The following MARCHF1 variants were observed in gnomAD, a reference collection of about 807,000 sequenced individuals.
MARCHF1 encodes the protein E3 ubiquitin-protein ligase MARCHF1.
In MARCHF1, 40 loss-of-function variants were observed where a neutral mutation model predicts 54.2. The observed-to-expected ratio is 0.74, with a 90% CI of 0.57 to 0.96. The LOEUF (loss-of-function observed/expected upper bound fraction) is 0.96. Ranked by LOEUF, MARCHF1 falls within the 40% of genes least tolerant of loss-of-function variation. The pLI is 0.00. For synonymous variants in MARCHF1, 236 were observed against 236.3 expected, an observed-to-expected ratio of 1.00 and a Z score of 0.01; for missense variants, 586 against 656.5, an observed-to-expected ratio of 0.89 and a Z score of 1.17.
intron 5 of MARCHF1, among the ~76,000 whole-genome samples, chr4:163,641,068 G>A (rs1742535836): frequency 1.3e-5 from 2 of 151,894 alleles, no homozygotes; most frequent in South Asian, 2.1e-4. Context: ...ACCTATAAGT[G>A]CAGTCTCTAT....
At chr4:164,192,940 G>A (rs553289991) in intron 1 of MARCHF1, among the ~76,000 whole-genome samples, 3 of 152,246 alleles carry the variant, frequency 2.0e-5, no homozygotes, top group Admixed American at 6.5e-5. Context: ...GTTAGAGGGA[G>A]GACACTGTTA....
intron 2 of MARCHF1, among the ~76,000 whole-genome samples, chr4:164,108,907 TATTAAAACATTTGTTTA>T (rs1240387119): frequency 6.6e-6 from 1 of 152,102 alleles, no homozygotes; most frequent in Non-Finnish European, 1.5e-5. Flanking sequence ...TAAAAGTGCT[TATTAAAACATTTGTTTA>T]AATCTATTAT....
At chr4:163,716,362 T>A (rs1337490341) in intron 4 of MARCHF1, among the ~76,000 whole-genome samples, 1 of 152,206 alleles carries the variant, frequency 6.6e-6, no homozygotes, top group Non-Finnish European at 1.5e-5. Flanking sequence ...GCCTCCTGAG[T>A]ATACACAAGG....
rs541365987 is a variant in MARCHF1, at chr4:163,724,729, C to T, written c.112-23866G>A. 5.3e-5 allele frequency among the ~76,000 whole-genome samples: 8 copies of T among 152,266 alleles called. No individual in the cohort carries two copies. In the South Asian group the frequency reaches 1.5e-3, roughly 28 times the overall value. ...ATGGTGGGCGCCCCTCCCTCAGCCTCGCTGCCACCTTGCAGTTTGATCTCA... is the reference window on the plus strand; with the variant it reads ...ATGGTGGGCGCCCCTCCCTCAGCCTTGCTGCCACCTTGCAGTTTGATCTCA... On this transcript the variant is annotated intron_variant, in intron 4 of 9. Transcript: ENST00000514618.
rs1196392692 is a variant in MARCHF1, at chr4:163,737,493, T to C, written c.112-36630A>G. 5.4e-5 allele frequency among the ~76,000 whole-genome samples: 5 copies of C among 91,814 alleles called. 1 individual carries two copies. Among genetic ancestry groups the C allele is most frequent in the Non-Finnish European group, 1.4e-4 (5 of 36,676 alleles). 60.2% of individuals were successfully genotyped at this position (91,814 alleles called of 152,430 possible). On this transcript the variant is annotated intron_variant, in intron 4 of 9. Transcript: ENST00000514618. The stretch of plus-strand genomic sequence containing the variant: ...TTGGTTTTTTGTTCTTGCGACAGTT[T>C]ACTGAGAATGATGGTTTCCAATTTC...
At chr4:163,613,696 G>T in intron 5 of MARCHF1, 1 of 746,280 alleles carries the variant, frequency 1.3e-6, no homozygotes, top group Non-Finnish European at 1.6e-6. Flanking sequence ...AGCTCAATTT[G>T]CTTTGGAAAC....
At chr4:163,860,412 C>T (rs1465559070) in intron 3 of MARCHF1, among the ~76,000 whole-genome samples, 1 of 152,074 alleles carries the variant, frequency 6.6e-6, no homozygotes, top group Non-Finnish European at 1.5e-5. Context: ...GATAAGCAAA[C>T]ACCGTGAAAT....
At chr4:163,719,300 G>A (rs551772964) in intron 4 of MARCHF1, among the ~76,000 whole-genome samples, 2 of 151,804 alleles carry the variant, frequency 1.3e-5, no homozygotes, top group East Asian at 1.9e-4. Flanking sequence ...TTGTTCTTGC[G>A]ATAGTTTGCT....
chr4:164,368,233 A>G (rs896247591), intron 1 of MARCHF1, among the ~76,000 whole-genome samples: 5 of 151,426 alleles, frequency 3.3e-5, no homozygotes. Flanking sequence ...ATAATATCAT[A>G]TAATTCTAGA....
At chr4:164,094,528 T>C (rs555667772) in intron 2 of MARCHF1, among the ~76,000 whole-genome samples, 1 of 152,264 alleles carries the variant, frequency 6.6e-6, no homozygotes, top group East Asian at 1.9e-4. Flanking sequence ...ATATAAGCCC[T>C]GCTTTCATAT....
intron 1 of MARCHF1, among the ~76,000 whole-genome samples, chr4:164,198,904 C>A (rs1385402282): frequency 1.3e-5 from 2 of 152,058 alleles, no homozygotes; most frequent in East Asian, 1.9e-4. Context: ...GCAATAGATT[C>A]AAAAAACTAA....
chr4:163,705,591 A>T (rs1744926944), intron 4 of MARCHF1, among the ~76,000 whole-genome samples: 1 of 152,020 alleles, frequency 6.6e-6, no homozygotes, highest in Admixed American at 6.6e-5. Flanking sequence ...ATGATTTTAT[A>T]ACTAAATTCT....
chr4:164,299,329 C>T (rs896065888), intron 1 of MARCHF1, among the ~76,000 whole-genome samples: 1 of 152,142 alleles, frequency 6.6e-6, no homozygotes, highest in East Asian at 1.9e-4. Context: ...AACCCTAGCA[C>T]TAAAAGTCCT....
At chr4:163,878,784 T>A (rs1579360309) in intron 3 of MARCHF1, among the ~76,000 whole-genome samples, 1 of 152,058 alleles carries the variant, frequency 6.6e-6, no homozygotes, top group South Asian at 2.1e-4. Flanking sequence ...CCAAAGTCAG[T>A]TTTTTTGTAC....
At chr4:163,966,893 C>T (rs1325157588) in intron 3 of MARCHF1, among the ~76,000 whole-genome samples, 1 of 152,058 alleles carries the variant, frequency 6.6e-6, no homozygotes, top group Non-Finnish European at 1.5e-5. Context: ...AACAAGTCTT[C>T]TGACAGCACA....
chr4:163,725,048 G>A (rs1179888687), intron 4 of MARCHF1, among the ~76,000 whole-genome samples: 1 of 152,072 alleles, frequency 6.6e-6, no homozygotes, highest in Non-Finnish European at 1.5e-5. Flanking sequence ...CCAGTGAGAT[G>A]AACCCAGTAC....
chr4:164,106,117 C>A (rs949034844), intron 2 of MARCHF1, among the ~76,000 whole-genome samples: 1 of 151,124 alleles, frequency 6.6e-6, no homozygotes, highest in African/African-American at 2.4e-5. Flanking sequence ...CAGGAAACAA[C>A]AGGTGCTGGA....
intron 2 of MARCHF1, among the ~76,000 whole-genome samples, chr4:164,101,376 G>T (rs1189201465): frequency 7.4e-6 from 1 of 135,572 alleles, no homozygotes; most frequent in African/African-American, 2.7e-5. Flanking sequence ...TGACAGCTTT[G>T]AAGAGAGCAG....
At chr4:163,785,383 C>T (rs1482241057) in intron 4 of MARCHF1, among the ~76,000 whole-genome samples, 3 of 152,076 alleles carry the variant, frequency 2.0e-5, no homozygotes, top group Non-Finnish European at 4.4e-5. Flanking sequence ...GTGTCACAAC[C>T]TAAAGAAGCT....
Sources: allele counts gnomAD v4.1 joint callset (sites outside exome capture counted in the v4.1 genomes callset), GRCh38; gene constraint gnomAD v4.1.1; transcripts MANE v1.5; gene names NCBI Gene and HGNC (gene_info 2026-07-23, HGNC 2026-07-21).